The following KLHDC1 variants were observed in gnomAD, a reference collection of about 807,000 sequenced individuals.
KLHDC1 encodes the protein kelch domain-containing protein 1.
In KLHDC1, 53 loss-of-function variants were observed where a neutral mutation model predicts 68.3. The observed-to-expected ratio is 0.78, with a 90% confidence interval of 0.62 to 0.98. The LOEUF is 0.98. KLHDC1 is among the 50% of genes least tolerant of loss of function. KLHDC1 has a pLI of 0.00. For missense variants in KLHDC1, 470 were observed against 492.3 expected, an observed-to-expected ratio of 0.95 and a Z score of 0.43; for synonymous variants, 148 against 159.0, an observed-to-expected ratio of 0.93 and a Z score of 0.52.
intron 1 of KLHDC1, among the ~76,000 whole-genome samples, chr14:49,705,133 C>A (rs1310613247): frequency 1.3e-5 from 2 of 151,964 alleles, no homozygotes; most frequent in African/African-American, 2.4e-5. Context: ...TGAAAGAGTA[C>A]TATAAGAGAG....
At chr14:49,700,151 C>G (rs569959696) in intron 1 of KLHDC1, 14 of 231,232 alleles carry the variant, frequency 6.1e-5, no homozygotes, top group African/African-American at 2.1e-4. Context: ...CTCAGCCTCC[C>G]GAGTAGCTGG....
At chr14:49,747,271 A>G (rs1889223953) in intron 12 of KLHDC1, among the ~76,000 whole-genome samples, 1 of 152,150 alleles carries the variant, frequency 6.6e-6, no homozygotes, top group African/African-American at 2.4e-5. Flanking sequence ...TATCCAGCCT[A>G]GTTCACCTGT....
intron 1 of KLHDC1, among the ~76,000 whole-genome samples, chr14:49,704,578 A>G (rs973849174): frequency 4.6e-5 from 7 of 151,650 alleles, no homozygotes; most frequent in African/African-American, 1.7e-4. Flanking sequence ...TATTTTTAGT[A>G]GAGGCCAGAG....
At chr14:49,730,710 C>G (rs1888784518) in intron 8 of KLHDC1, among the ~76,000 whole-genome samples, 1 of 152,152 alleles carries the variant, frequency 6.6e-6, no homozygotes, top group South Asian at 2.1e-4. Context: ...CAGTGGCTCA[C>G]ACCTGTAATC....
intron 4 of KLHDC1, among the ~76,000 whole-genome samples, chr14:49,718,769 C>CTTTTTTTTTTTTTTTTTTTTTT (rs71115397): frequency 5.2e-5 from 4 of 76,846 alleles, no homozygotes; most frequent in African/African-American, 1.6e-4. Flanking sequence ...TTCTTTCTTT[C>CTTTTTTTTTTTTTTTTTTTTTT]TTTTTTTTTT....
chr14:49,740,098 G>C lies in KLHDC1; in HGVS notation c.897G>C (p.Arg299Ser), dbSNP rs1459900151. 3.8e-6 allele frequency: 6 copies of C among 1,595,594 alleles called. No individual in the cohort carries two copies. The highest frequency in any genetic ancestry group is 5.2e-6 in the Non-Finnish European group (6 of 1,164,356). The change falls in exon 11 of 13, where the codon AGG (arginine) becomes AGC (serine). Residue 299 changes from arginine (R) to serine (S), a missense_variant and splice_region_variant. Coordinates refer to ENST00000359332, the MANE Select transcript of KLHDC1 (RefSeq NM_172193.3). ...CTCTGTTTATAATTTTCAATCATAG[G>C]TTATGGCACACAGCCTGTTTGGGAA... The part of the protein sequence containing the change: ...QLTHLPKTRP[R>S]LWHTACLGKE...
chr14:49,706,333 A>G (rs1426256315), intron 1 of KLHDC1, among the ~76,000 whole-genome samples: 1 of 152,154 alleles, frequency 6.6e-6, no homozygotes, highest in Non-Finnish European at 1.5e-5. Flanking sequence ...TTATGGCTGA[A>G]TGGTGCTCCA....
intron 11 of KLHDC1, among the ~76,000 whole-genome samples, chr14:49,742,799 A>T (rs1264208901): frequency 6.6e-6 from 1 of 150,990 alleles, no homozygotes; most frequent in Admixed American, 6.6e-5. Context: ...AAAAACAAAA[A>T]AAGTGCCAGG....
At chr14:49,713,834 ATATATATATATATATATT>A (rs1482600906) in intron 4 of KLHDC1, among the ~76,000 whole-genome samples, 208 of 2,322 alleles carry the variant, frequency 0.09, 18 homozygotes, top group African/African-American at 0.15. Context: ...ATATATATAT[ATATATATATATATATATT>A]TTTTTTTTTT....
intron 11 of KLHDC1, among the ~76,000 whole-genome samples, chr14:49,743,139 G>T (rs1476064317): frequency 6.7e-6 from 1 of 148,788 alleles, no homozygotes; most frequent in African/African-American, 2.5e-5. Flanking sequence ...GCTCACGCCT[G>T]TAATCACAAC....
intron 5 of KLHDC1, among the ~76,000 whole-genome samples, chr14:49,725,129 C>G (rs1888633372): frequency 6.6e-6 from 1 of 152,140 alleles, no homozygotes; most frequent in Non-Finnish European, 1.5e-5. Context: ...TAGAGGATTT[C>G]AGCACCCTGG....
chr14:49,709,349 T>G, intron 2 of KLHDC1, 120 bp downstream of exon 2: 1 of 517,862 alleles, frequency 1.9e-6, no homozygotes. Context: ...AGTCTCCCTT[T>G]CCTTTCCTTT....
At chr14:49,747,265 C>T (rs1889223626) in intron 12 of KLHDC1, among the ~76,000 whole-genome samples, 1 of 152,152 alleles carries the variant, frequency 6.6e-6, no homozygotes, top group African/African-American at 2.4e-5. Flanking sequence ...CTTTCATATC[C>T]AGCCTAGTTC....
At chr14:49,718,838 T>G (rs1330779625) in intron 4 of KLHDC1, among the ~76,000 whole-genome samples, 2 of 132,390 alleles carry the variant, frequency 1.5e-5, no homozygotes, top group African/African-American at 2.8e-5. Context: ...CAGGTTGGAG[T>G]GCAGTGGCGC....
intron 1 of KLHDC1, among the ~76,000 whole-genome samples, chr14:49,695,715 A>G (rs1007482138): frequency 6.6e-6 from 1 of 152,192 alleles, no homozygotes; most frequent in Admixed American, 6.5e-5. Context: ...CTCTCTAGCT[A>G]TGAAAGTCCT....
At chr14:49,715,710 A>T (rs1594661396) in intron 4 of KLHDC1, among the ~76,000 whole-genome samples, 1 of 128,886 alleles carries the variant, frequency 7.8e-6, no homozygotes, top group East Asian at 2.3e-4. Context: ...GTGCCATTGC[A>T]CTCCAGCCTG....
chr14:49,719,428 T>A lies in KLHDC1; in HGVS notation c.405-4446T>A, dbSNP rs957668555. On this transcript the variant is annotated intron_variant, in intron 4 of 12. Transcript: ENST00000359332. ...TATTTATTTATTTATTTATTTATTT[T>A]TATTTATATATATTTTTTGAGACAG... 1.1e-4 allele frequency among the ~76,000 whole-genome samples: 17 copies of A among 151,196 alleles called. No homozygotes were observed. The South Asian group carries it at 1.2e-3, about 11-fold the overall frequency.
intron 1 of KLHDC1, 70 bp from the exon 2 acceptor site, chr14:49,709,089 A>T: frequency 1.5e-6 from 1 of 676,356 alleles, no homozygotes; most frequent in East Asian, 3.0e-5. Flanking sequence ...AATTTTTCTC[A>T]TCCTGAGAAG....
chr14:49,701,109 T>G (rs1289646349), intron 1 of KLHDC1, among the ~76,000 whole-genome samples: 1 of 150,688 alleles, frequency 6.6e-6, no homozygotes, highest in African/African-American at 2.4e-5. Context: ...AGAAAAAAAC[T>G]ACAAAAACAG....
Sources: gnomAD v4.1 joint callset for allele counts (sites outside exome capture counted in the v4.1 genomes callset) on GRCh38, gnomAD v4.1.1 for gene constraint, MANE v1.5 for transcripts, NCBI Gene and HGNC (gene_info 2026-07-23, HGNC 2026-07-21) for gene names.